The following C14orf39 variants were observed in gnomAD, a reference collection of about 807,000 sequenced individuals.
The protein encoded by C14orf39 is protein SIX6OS1.
A neutral mutation model predicts 85.6 loss-of-function variants in C14orf39; 66 were observed. That is an observed-to-expected ratio of 0.77 (90% confidence interval 0.63 to 0.95). The LOEUF (loss-of-function observed/expected upper bound fraction) is 0.95, where lower values mean the gene tolerates loss of function less well. C14orf39 is among the 40% of genes least tolerant of loss of function. C14orf39 has a pLI of 0.00. For synonymous variants in C14orf39, 242 were observed against 214.0 expected (o/e 1.13, Z -1.14); for missense variants, 735 against 663.9 (o/e 1.11, Z -1.18).
chr14:60,506,565 C>G (rs183639850), intron 1 of C14orf39, among the ~76,000 whole-genome samples: 1 of 152,262 alleles, frequency 6.6e-6, no homozygotes, highest in Admixed American at 6.5e-5. Context: ...AGCTGGTGAA[C>G]AAATAAGTGA....
chr14:60,486,217 G>A (rs1418466582), upstream of C14orf39: 1 of 152,254 alleles, frequency 6.6e-6, no homozygotes, highest in Non-Finnish European at 1.5e-5. Context: ...TGGAAGCGCG[G>A]AATAAGCCCC....
intron 16 of C14orf39, among the ~76,000 whole-genome samples, chr14:60,442,677 C>T (rs745749781): frequency 1.3e-5 from 2 of 152,176 alleles, no homozygotes; most frequent in Non-Finnish European, 2.9e-5. Context: ...TCCACATAGA[C>T]AAACCAGACA....
upstream of C14orf39, among the ~76,000 whole-genome samples, chr14:60,490,615 T>G (rs1224058396): frequency 6.6e-6 from 1 of 151,888 alleles, no homozygotes; most frequent in Non-Finnish European, 1.5e-5. Flanking sequence ...CAGAATAAGA[T>G]CCTGCCTCTA....
intron 16 of C14orf39, among the ~76,000 whole-genome samples, chr14:60,443,215 G>C (rs1890605947): frequency 6.6e-6 from 1 of 152,180 alleles, no homozygotes; most frequent in Non-Finnish European, 1.5e-5. Context: ...CAGCAGGGCA[G>C]GGCGTCCCCT....
chr14:60,441,762 A>T (rs968801493), intron 17 of C14orf39, among the ~76,000 whole-genome samples: 1 of 152,204 alleles, frequency 6.6e-6, no homozygotes, highest in Admixed American at 6.5e-5. Context: ...GAAATCCAAA[A>T]ATTACAGAAA....
At chr14:60,459,472 C>T (rs946406710) in intron 13 of C14orf39, among the ~76,000 whole-genome samples, 7 of 151,376 alleles carry the variant, frequency 4.6e-5, no homozygotes, top group Admixed American at 2.0e-4. Flanking sequence ...ACGGTTGTAC[C>T]AATTTTTCGT....
At chr14:60,469,437 G>A (rs1319795366) in intron 8 of C14orf39, 96 bp downstream of exon 8, 1 of 415,050 alleles carries the variant, frequency 2.4e-6, no homozygotes, top group African/African-American at 2.1e-5. Flanking sequence ...TCCACATTAG[G>A]CTCTCTTAAA....
At chr14:60,457,358 T>C (rs1399622675) in intron 14 of C14orf39, among the ~76,000 whole-genome samples, 1 of 151,888 alleles carries the variant, frequency 6.6e-6, no homozygotes, top group Non-Finnish European at 1.5e-5. Flanking sequence ...AGCCAGAACA[T>C]ATTGGAATTG....
At chr14:60,444,880 C>CGGTTT (rs1890687220) in intron 16 of C14orf39, among the ~76,000 whole-genome samples, 2 of 152,152 alleles carry the variant, frequency 1.3e-5, no homozygotes, top group African/African-American at 2.4e-5. Flanking sequence ...CAGCAGAAAC[C>CGGTTT]CTACAAGCCA....
intron 16 of C14orf39, among the ~76,000 whole-genome samples, chr14:60,446,356 G>A (rs1437259596): frequency 2.6e-5 from 4 of 152,074 alleles, no homozygotes; most frequent in Non-Finnish European, 4.4e-5. Context: ...AATAAAAAAT[G>A]TTAAGGGGAT....
At chr14:60,510,283 C>A (rs1893270904) in intron 1 of C14orf39, among the ~76,000 whole-genome samples, 1 of 152,202 alleles carries the variant, frequency 6.6e-6, no homozygotes, top group Non-Finnish European at 1.5e-5. Flanking sequence ...GTTAGGGACC[C>A]CAAGACCCAA....
upstream of C14orf39, among the ~76,000 whole-genome samples, chr14:60,486,935 TTG>T (rs368209101): frequency 1.3e-5 from 2 of 152,170 alleles, no homozygotes; most frequent in African/African-American, 4.8e-5. Context: ...ATTTATTCTT[TTG>T]TGTGTGTGTG....
intron 1 of C14orf39, 108 bp downstream of exon 1, chr14:60,485,837 G>C (rs1291342910): frequency 6.6e-6 from 1 of 152,172 alleles, no homozygotes; most frequent in East Asian, 1.9e-4. Context: ...GACTCCGGTC[G>C]CTCTGAGGGG....
intron 11 of C14orf39, among the ~76,000 whole-genome samples, chr14:60,462,343 C>T (rs539969461): frequency 6.6e-6 from 1 of 152,060 alleles, no homozygotes; most frequent in Non-Finnish European, 1.5e-5. Context: ...GAGCCATGAT[C>T]GCGCCACTAC....
At chr14:60,463,066 G>C (rs117542376) in intron 11 of C14orf39, among the ~76,000 whole-genome samples, 1,983 of 152,158 alleles carry the variant, frequency 0.013, 18 homozygotes, top group South Asian at 0.027. Flanking sequence ...CAAAGTGCTT[G>C]TACCAAATTA....
intron 1 of C14orf39, among the ~76,000 whole-genome samples, chr14:60,505,847 G>A (rs1290375539): frequency 6.6e-6 from 1 of 152,176 alleles, no homozygotes; most frequent in Non-Finnish European, 1.5e-5. Flanking sequence ...TGTGAGCAGG[G>A]TGTGACCAGG....
At chr14:60,485,606 T>A (rs1892848256) in intron 1 of C14orf39, among the ~76,000 whole-genome samples, 1 of 152,176 alleles carries the variant, frequency 6.6e-6, no homozygotes, top group African/African-American at 2.4e-5. Flanking sequence ...AACAGCCAAT[T>A]CGCATTACGG....
intron 5 of C14orf39, among the ~76,000 whole-genome samples, chr14:60,473,203 C>G (rs1892190413): frequency 1.3e-5 from 2 of 152,184 alleles, no homozygotes; most frequent in African/African-American, 4.8e-5. Flanking sequence ...TAAATGTCTT[C>G]TTTTGAGAAG....
intron 3 of C14orf39, 36 bp from the exon 4 acceptor site, chr14:60,483,853 A>C: frequency 7.2e-7 from 1 of 1,386,800 alleles, no homozygotes; most frequent in Non-Finnish European, 1.0e-6. Context: ...TTAATGTAGA[A>C]ATAATAAGTT....
Sources: allele counts gnomAD v4.1 joint callset (sites outside exome capture counted in the v4.1 genomes callset), GRCh38; gene constraint gnomAD v4.1.1; transcripts MANE v1.5; gene names NCBI Gene and HGNC (gene_info 2026-07-23, HGNC 2026-07-21).